Variants in NBEA observed in about 807,000 individuals in gnomAD.
NBEA encodes neurobeachin, also known as lysosomal-trafficking regulator 2.
NBEA carries 44 observed loss-of-function variants against 343.4 expected under a neutral mutation model. The ratio of observed to expected loss-of-function variants is 0.13; its 90% CI spans 0.10 to 0.16. The LOEUF is 0.16. Ranked by LOEUF, NBEA falls within the 10% of genes least tolerant of loss-of-function variation. The probability of loss-of-function intolerance (pLI) is 1.00; values close to 1 mark genes in which losing one functional copy is unlikely to be tolerated. For missense variants in NBEA, 2,555 were observed against 3,631.3 expected, an observed-to-expected ratio of 0.70 and a Z score of 7.62; for synonymous variants, 1,175 against 1,238.7, an observed-to-expected ratio of 0.95 and a Z score of 1.08.
At chr13:35,438,960 C>T (rs2045588225) in intron 39 of NBEA, among the ~76,000 whole-genome samples, 1 of 152,174 alleles carries the variant, frequency 6.6e-6, no homozygotes, top group Non-Finnish European at 1.5e-5. Context: ...TAAACAGACT[C>T]AGAGGACTTG....
intron 46 of NBEA, among the ~76,000 whole-genome samples, chr13:35,585,902 C>T (rs1566366102): frequency 6.6e-6 from 1 of 152,152 alleles, no homozygotes; most frequent in Non-Finnish European, 1.5e-5. Flanking sequence ...TACTGTGGCA[C>T]TTTCTTTAAT....
intron 34 of NBEA, among the ~76,000 whole-genome samples, chr13:35,241,506 T>A (rs2030269610): frequency 6.6e-6 from 1 of 151,852 alleles, no homozygotes; most frequent in South Asian, 2.1e-4. Context: ...AAAGGTATTA[T>A]GTAAACTAGA....
At chr13:35,383,624 T>C (rs1211947332) in intron 38 of NBEA, among the ~76,000 whole-genome samples, 15 of 152,090 alleles carry the variant, frequency 9.9e-5, no homozygotes, top group Admixed American at 3.9e-4. Context: ...ATGTGACTGG[T>C]CCTCGTGCAG....
chr13:35,472,352 G>A (rs755174232), intron 40 of NBEA, 48 bp from the exon 41 acceptor site: 3 of 1,585,002 alleles, frequency 1.9e-6, no homozygotes, highest in East Asian at 2.3e-5. Flanking sequence ...GAGGGAGCAG[G>A]AAGGGCCACA....
chr13:35,466,354 G>T (rs543746127), intron 40 of NBEA, among the ~76,000 whole-genome samples: 1 of 152,228 alleles, frequency 6.6e-6, no homozygotes, highest in East Asian at 1.9e-4. Flanking sequence ...TAGTTTAGGG[G>T]AGAGTACATT....
chr13:35,061,393 C>G (rs1465083140), intron 8 of NBEA, among the ~76,000 whole-genome samples: 2 of 151,674 alleles, frequency 1.3e-5, no homozygotes, highest in East Asian at 3.9e-4. Flanking sequence ...AATTTACTAT[C>G]AGATAAGTTT....
chr13:35,194,856 A>G (rs966565062), intron 30 of NBEA, among the ~76,000 whole-genome samples: 3 of 152,036 alleles, frequency 2.0e-5, no homozygotes, highest in African/African-American at 7.2e-5. Flanking sequence ...GTATTTCATT[A>G]TCTGTGTAGT....
chr13:35,454,768 G>T (rs915089777), intron 40 of NBEA, among the ~76,000 whole-genome samples: 1 of 152,088 alleles, frequency 6.6e-6, no homozygotes, highest in African/African-American at 2.4e-5. Flanking sequence ...GCTGAGGCAG[G>T]AGAATGGCAT....
chr13:35,092,985 A>T (rs1205832013), intron 10 of NBEA, among the ~76,000 whole-genome samples: 2 of 152,044 alleles, frequency 1.3e-5, no homozygotes, highest in South Asian at 4.1e-4. Context: ...TGGTACATCC[A>T]TTAATACTCA....
At chr13:35,022,985 A>G (rs767256365) in intron 1 of NBEA, among the ~76,000 whole-genome samples, 17 of 152,160 alleles carry the variant, frequency 1.1e-4, no homozygotes, top group Non-Finnish European at 2.4e-4. Flanking sequence ...AGAGCTTTAT[A>G]ATATAGATTG....
At chr13:35,429,162 C>G (rs1047249004) in intron 38 of NBEA, among the ~76,000 whole-genome samples, 2 of 152,204 alleles carry the variant, frequency 1.3e-5, no homozygotes, top group African/African-American at 2.4e-5. Flanking sequence ...TCCACATGGT[C>G]TCCACTGACT....
At chr13:35,311,310 G>T (rs566067049) in intron 36 of NBEA, among the ~76,000 whole-genome samples, 5 of 151,022 alleles carry the variant, frequency 3.3e-5, no homozygotes, top group African/African-American at 1.2e-4. Context: ...TTTCAACTGC[G>T]AAGTAAAAAT....
chr13:34,945,204 C>T (rs567605570), intron 1 of NBEA, among the ~76,000 whole-genome samples: 3 of 152,102 alleles, frequency 2.0e-5, no homozygotes, highest in Non-Finnish European at 2.9e-5. Flanking sequence ...TTTAAAATTT[C>T]TTTGTATGTA....
At chr13:35,212,998 A>T (rs952382954) in intron 33 of NBEA, among the ~76,000 whole-genome samples, 2 of 151,956 alleles carry the variant, frequency 1.3e-5, no homozygotes, top group African/African-American at 4.8e-5. Context: ...ATTTTGATCA[A>T]CAGAAGTTGT....
intron 41 of NBEA, among the ~76,000 whole-genome samples, chr13:35,545,458 AT>A (rs1414019233): frequency 6.6e-6 from 1 of 152,200 alleles, no homozygotes; most frequent in Non-Finnish European, 1.5e-5. Context: ...GCCCTGGGGT[AT>A]AGTCCAAGGA....
At chr13:35,197,902 G>T (rs2072738503) in intron 31 of NBEA, among the ~76,000 whole-genome samples, 1 of 152,146 alleles carries the variant, frequency 6.6e-6, no homozygotes, top group African/African-American at 2.4e-5. Flanking sequence ...AAAATGTTAA[G>T]TGGCACTGGT....
chr13:35,048,700 A>T lies in NBEA; in HGVS notation c.845+16A>T, dbSNP rs1566208291. On this transcript the variant is annotated intron_variant, in intron 5 of 58. Coordinates refer to ENST00000379939, the MANE Select transcript of NBEA (RefSeq NM_001385012.1). ...ATCTTTATTGGTAAGTAATATGTTT[A>T]ATTTTAGTACTTTTTTCTTTAAGTA... 1.6e-6 allele frequency: 2 copies of T among 1,233,632 alleles called. No individual in the cohort carries two copies. Among genetic ancestry groups the T allele is most frequent in the Non-Finnish European group, 2.3e-6 (2 of 874,308 alleles). 76.4% of individuals were successfully genotyped at this position (1,233,632 alleles called of 1,614,324 possible).
At position 35,139,676 on chromosome 13, in the gene NBEA, CTATA is replaced by C. The variant is rs1282868774; in HGVS notation, c.2337-2592_2337-2589del. Among the ~76,000 whole-genome samples, 4 of 147,860 alleles carry C rather than the reference CTATA, an allele frequency of 2.7e-5. No homozygotes were observed. The Admixed American group carries it at 2.7e-4, about 10-fold the overall frequency. On this transcript the variant is annotated intron_variant, in intron 17 of 58. Transcript: ENST00000379939. ...AGAGCTAGGTCTTTCATTAGAAGTC[CTATA>C]AGGAACAAAATCATGTGATGTACAG... is the stretch of plus-strand genomic sequence containing the variant.
chr13:35,239,438 T>C (rs553426997), intron 34 of NBEA, among the ~76,000 whole-genome samples: 15 of 152,266 alleles, frequency 9.9e-5, no homozygotes, highest in Non-Finnish European at 5.9e-5. Context: ...GCAGTAATTA[T>C]GTTGGTAGTA....
Sources: gnomAD v4.1 joint callset for allele counts (sites outside exome capture counted in the v4.1 genomes callset) on GRCh38, gnomAD v4.1.1 for gene constraint, MANE v1.5 for transcripts, NCBI Gene and HGNC (gene_info 2026-07-23, HGNC 2026-07-21) for gene names.